Variants in CTNNA3 observed in about 807,000 individuals in gnomAD.
CTNNA3 encodes catenin alpha-3.
A neutral mutation model predicts 95.7 loss-of-function variants in CTNNA3; 76 were observed. The observed-to-expected ratio is 0.79, with a 90% CI of 0.66 to 0.96. CTNNA3 has a LOEUF of 0.96. Ranked by LOEUF, CTNNA3 falls within the 40% of genes least tolerant of loss-of-function variation. The pLI is 0.00. For synonymous variants in CTNNA3, 431 were observed against 374.4 expected, an observed-to-expected ratio of 1.15 and a Z score of -1.74; for missense variants, 1,191 against 1,089.8, an observed-to-expected ratio of 1.09 and a Z score of -1.31.
At chr10:66,963,082 A>G (rs1194456423) in intron 7 of CTNNA3, among the ~76,000 whole-genome samples, 1 of 152,198 alleles carries the variant, frequency 6.6e-6, no homozygotes, top group Non-Finnish European at 1.5e-5. Flanking sequence ...CCAAAACTAT[A>G]TCATACTCTG....
intron 1 of CTNNA3, among the ~76,000 whole-genome samples, chr10:67,760,943 T>C (rs559815084): frequency 1.8e-4 from 27 of 152,154 alleles, no homozygotes; most frequent in Admixed American, 9.8e-4. Context: ...GTAATAATAA[T>C]AGAAATAAAG....
intron 5 of CTNNA3, among the ~76,000 whole-genome samples, chr10:67,378,136 CTTT>C (rs1393949748): frequency 1.3e-5 from 2 of 151,942 alleles, no homozygotes; most frequent in African/African-American, 4.8e-5. Context: ...CTACTTTTTA[CTTT>C]TTTTTATGTT....
At chr10:67,043,131 CT>C (rs1284606581) in intron 7 of CTNNA3, among the ~76,000 whole-genome samples, 1 of 60,210 alleles carries the variant, frequency 1.7e-5, no homozygotes, top group African/African-American at 4.2e-5. Context: ...GGCTCACTTT[CT>C]TTCTTTTTTT....
intron 7 of CTNNA3, chr10:67,098,947 T>G (rs143680123): frequency 6.6e-6 from 1 of 152,010 alleles, no homozygotes; most frequent in East Asian, 1.9e-4. Context: ...TGAATTTGTT[T>G]TGCGTTGTGC....
At chr10:66,982,902 C>T (rs967456362) in intron 7 of CTNNA3, among the ~76,000 whole-genome samples, 1 of 152,042 alleles carries the variant, frequency 6.6e-6, no homozygotes, top group African/African-American at 2.4e-5. Context: ...CATAAGACCC[C>T]AGGGACACAA....
intron 5 of CTNNA3, among the ~76,000 whole-genome samples, chr10:67,490,434 C>T (rs1848603421): frequency 6.6e-6 from 1 of 152,088 alleles, no homozygotes; most frequent in Non-Finnish European, 1.5e-5. Context: ...CTACAGAAAA[C>T]CTATGCTGTC....
intron 9 of CTNNA3, among the ~76,000 whole-genome samples, chr10:66,623,209 A>C (rs1028699435): frequency 3.3e-5 from 5 of 152,110 alleles, no homozygotes; most frequent in Non-Finnish European, 7.4e-5. Context: ...TTCACACTGC[A>C]TTTGCAAAAA....
chr10:67,154,723 T>A (rs1257113547), intron 7 of CTNNA3, among the ~76,000 whole-genome samples: 1 of 152,118 alleles, frequency 6.6e-6, no homozygotes, highest in Non-Finnish European at 1.5e-5. Flanking sequence ...TGTCCCAAAA[T>A]GTTCATATGA....
intron 10 of CTNNA3, among the ~76,000 whole-genome samples, chr10:66,568,938 G>A (rs1269041967): frequency 6.6e-6 from 1 of 152,012 alleles, no homozygotes; most frequent in Non-Finnish European, 1.5e-5. Context: ...AAGGAATGAG[G>A]AGGAGGAAGA....
chr10:67,306,787 TAA>T (rs544213572), intron 5 of CTNNA3, among the ~76,000 whole-genome samples: 3 of 151,410 alleles, frequency 2.0e-5, no homozygotes, highest in African/African-American at 7.3e-5. Context: ...TGGATTTTTT[TAA>T]AAAAAAATAC....
chr10:66,701,165 A>G (rs992173082), intron 9 of CTNNA3, among the ~76,000 whole-genome samples: 2 of 152,174 alleles, frequency 1.3e-5, no homozygotes, highest in African/African-American at 4.8e-5. Flanking sequence ...GTTGAGTATC[A>G]GTTGTCTACA....
chr10:67,455,442 G>A (rs1291409183), intron 5 of CTNNA3, among the ~76,000 whole-genome samples: 1 of 152,130 alleles, frequency 6.6e-6, no homozygotes, highest in Non-Finnish European at 1.5e-5. Flanking sequence ...CCCACCTTGA[G>A]TGTGGACTGC....
intron 7 of CTNNA3, among the ~76,000 whole-genome samples, chr10:66,982,378 A>G (rs1850491713): frequency 6.6e-6 from 1 of 152,210 alleles, no homozygotes; most frequent in Non-Finnish European, 1.5e-5. Context: ...GACTCAGGCA[A>G]GTTACTAACT....
intron 15 of CTNNA3, among the ~76,000 whole-genome samples, chr10:65,996,575 G>T (rs775135333): frequency 1.1e-4 from 16 of 152,248 alleles, no homozygotes; most frequent in Non-Finnish European, 2.2e-4. Flanking sequence ...AGGACTCAGG[G>T]TGTTTGTGGG....
At chr10:67,273,085 T>C (rs562769941) in intron 5 of CTNNA3, among the ~76,000 whole-genome samples, 1 of 152,256 alleles carries the variant, frequency 6.6e-6, no homozygotes, top group East Asian at 1.9e-4. Context: ...AGTTCTATCA[T>C]TTATTACTCA....
chr10:66,541,729 T>A (rs1447871119), intron 10 of CTNNA3, among the ~76,000 whole-genome samples: 1 of 152,152 alleles, frequency 6.6e-6, no homozygotes, highest in African/African-American at 2.4e-5. Flanking sequence ...AACATGCACT[T>A]ACCCCAAGAG....
chr10:65,949,435 CT>C (rs1372636188), intron 17 of CTNNA3, among the ~76,000 whole-genome samples: 3 of 152,096 alleles, frequency 2.0e-5, no homozygotes, highest in Non-Finnish European at 4.4e-5. Context: ...CTCCTGTCAC[CT>C]TTTCTCCACC....
intron 13 of CTNNA3, among the ~76,000 whole-genome samples, chr10:66,191,147 A>T (rs1016739651): frequency 6.6e-6 from 1 of 152,186 alleles, no homozygotes; most frequent in Non-Finnish European, 1.5e-5. Flanking sequence ...TTCTAAATCT[A>T]AGAACTTATA....
intron 17 of CTNNA3, among the ~76,000 whole-genome samples, chr10:65,961,708 T>C (rs997695582): frequency 2.6e-5 from 4 of 151,900 alleles, no homozygotes; most frequent in African/African-American, 9.7e-5. Flanking sequence ...TTTTGTAGCA[T>C]ACCTTGCAGT....
Sources: allele counts gnomAD v4.1 joint callset (sites outside exome capture counted in the v4.1 genomes callset), GRCh38; gene constraint gnomAD v4.1.1; transcripts MANE v1.5; gene names NCBI Gene and HGNC (gene_info 2026-07-23, HGNC 2026-07-21).